Variants in ATXN1 observed in about 807,000 individuals in gnomAD.
ATXN1 encodes the protein ataxin-1.
Under a neutral mutation model 56.4 loss-of-function variants are expected in ATXN1, and 8 were observed. That is an observed-to-expected ratio of 0.14 (90% CI 0.08 to 0.26). The LOEUF is 0.26. ATXN1 is among the 10% of genes least tolerant of loss of function. ATXN1 has a pLI of 1.00. For synonymous variants in ATXN1, 514 were observed against 494.6 expected (o/e 1.04, Z -0.52); for missense variants, 987 against 1,106.5 (o/e 0.89, Z 1.53).
chr6:16,586,547 G>A (rs1008577527), intron 3 of ATXN1, among the ~76,000 whole-genome samples: 3 of 152,176 alleles, frequency 2.0e-5, no homozygotes, highest in African/African-American at 4.8e-5. Context: ...CAGTCTGTGA[G>A]GTGGCCAGGA....
chr6:16,536,704 A>G (rs1390705465), intron 4 of ATXN1, among the ~76,000 whole-genome samples: 1 of 152,210 alleles, frequency 6.6e-6, no homozygotes, highest in Non-Finnish European at 1.5e-5. Context: ...CCAATGTGCT[A>G]TTGCAATGTG....
chr6:16,673,978 T>C (rs527633479), intron 2 of ATXN1, among the ~76,000 whole-genome samples: 7 of 152,312 alleles, frequency 4.6e-5, no homozygotes, highest in Non-Finnish European at 8.8e-5. Context: ...GTTGACAGCA[T>C]GTGGCAGTTA....
chr6:16,760,375 G>T lies in ATXN1; in HGVS notation c.-730+923C>A, dbSNP rs541446731. Among the ~76,000 whole-genome samples the T allele has an allele frequency of 4.6e-5, 7 of 151,770 alleles. No individual in the cohort carries two copies. The highest frequency in any genetic ancestry group is 3.3e-4 in the Admixed American group (5 of 15,254). On this transcript the variant is annotated intron_variant, in intron 1 of 7. Coordinates refer to ENST00000436367, the MANE Select transcript of ATXN1 (RefSeq NM_001128164.2). The surrounding 1 kb of genome is among the most constrained non-coding windows in gnomAD (Gnocchi z 5.3). The stretch of plus-strand genomic sequence containing the variant: ...TCCTGCCGCGGGTGCTGGCGGGGGC[G>T]CCGGCCCGGACTGGGGCGCTCGCGG...
chr6:16,718,305 A>G (rs762142267), intron 2 of ATXN1, among the ~76,000 whole-genome samples: 6 of 152,246 alleles, frequency 3.9e-5, no homozygotes, highest in Admixed American at 2.0e-4. Context: ...AGCATTCCAG[A>G]AAGAAGGTCA....
intron 4 of ATXN1, among the ~76,000 whole-genome samples, chr6:16,531,688 C>T (rs1460302637): frequency 8.6e-5 from 13 of 151,732 alleles, no homozygotes; most frequent in Admixed American, 8.5e-4. Context: ...GGTAACAGCC[C>T]CAGTGGTGCT....
chr6:16,451,192 G>A (rs777879922), intron 6 of ATXN1, among the ~76,000 whole-genome samples: 2 of 152,200 alleles, frequency 1.3e-5, no homozygotes, highest in Non-Finnish European at 1.5e-5. Context: ...AACTGGTTGG[G>A]CACAGTTGCT....
intron 4 of ATXN1, among the ~76,000 whole-genome samples, chr6:16,576,816 A>T (rs1369284863): frequency 6.6e-6 from 1 of 152,198 alleles, no homozygotes; most frequent in Non-Finnish European, 1.5e-5. Context: ...GCATTTATAA[A>T]TACAGCTGGC....
chr6:16,387,612 C>T (rs958723225), intron 6 of ATXN1, among the ~76,000 whole-genome samples: 5 of 152,160 alleles, frequency 3.3e-5, no homozygotes, highest in African/African-American at 7.2e-5. Flanking sequence ...ACCGGGAGTG[C>T]TTGTTGTGTT....
intron 2 of ATXN1, among the ~76,000 whole-genome samples, chr6:16,748,498 T>A (rs906966782): frequency 6.6e-6 from 1 of 152,158 alleles, no homozygotes; most frequent in Non-Finnish European, 1.5e-5. Flanking sequence ...CTTGGGGAAA[T>A]TATTCACCCT....
At chr6:16,554,122 C>A (rs1001918728) in intron 4 of ATXN1, among the ~76,000 whole-genome samples, 8 of 152,182 alleles carry the variant, frequency 5.3e-5, no homozygotes, top group Non-Finnish European at 1.2e-4. Context: ...TATGCCACAA[C>A]ACACAATCGT....
intron 6 of ATXN1, among the ~76,000 whole-genome samples, chr6:16,389,371 G>T (rs1249599367): frequency 6.7e-6 from 1 of 149,684 alleles, no homozygotes; most frequent in East Asian, 1.9e-4. Context: ...GAAAGAAAAA[G>T]ATGATAGCAT....
chr6:16,751,207 G>A (rs951212567), intron 2 of ATXN1, among the ~76,000 whole-genome samples: 3 of 152,002 alleles, frequency 2.0e-5, no homozygotes, highest in Admixed American at 1.3e-4. Context: ...GACCTCAAGT[G>A]ATTCACCCAC....
chr6:16,549,404 C>A (rs939754258), intron 4 of ATXN1, among the ~76,000 whole-genome samples: 47 of 152,110 alleles, frequency 3.1e-4, no homozygotes, highest in African/African-American at 9.2e-4. Context: ...GATAAAAATT[C>A]TTCAGCTTCA....
intron 6 of ATXN1, among the ~76,000 whole-genome samples, chr6:16,469,656 T>C (rs1391228577): frequency 6.6e-6 from 1 of 152,170 alleles, no homozygotes; most frequent in Non-Finnish European, 1.5e-5. Context: ...TTGTATCTAA[T>C]AAAGACGTGA....
At chr6:16,594,594 T>C (rs1398952977) in intron 3 of ATXN1, among the ~76,000 whole-genome samples, 1 of 152,006 alleles carries the variant, frequency 6.6e-6, no homozygotes, top group African/African-American at 2.4e-5. Flanking sequence ...GTGATTCTCC[T>C]GCCTCAGCCT....
At chr6:16,590,719 G>C (rs1762707132) in intron 3 of ATXN1, among the ~76,000 whole-genome samples, 2 of 151,698 alleles carry the variant, frequency 1.3e-5, no homozygotes, top group South Asian at 4.2e-4. Flanking sequence ...TCCCAGGTTG[G>C]AGTGCAGTGG....
intron 4 of ATXN1, among the ~76,000 whole-genome samples, chr6:16,539,894 A>G (rs1051373272): frequency 1.3e-5 from 2 of 152,208 alleles, no homozygotes; most frequent in East Asian, 3.9e-4. Context: ...CCGAAGGCAG[A>G]AAGATCCTCT....
At chr6:16,406,113 CCT>C (rs1758680846) in intron 6 of ATXN1, among the ~76,000 whole-genome samples, 1 of 152,144 alleles carries the variant, frequency 6.6e-6, no homozygotes, top group South Asian at 2.1e-4. Context: ...TTAAAACAAC[CCT>C]CTCTCTTCAC....
chr6:16,570,505 G>T (rs1031331289), intron 4 of ATXN1, among the ~76,000 whole-genome samples: 7 of 152,162 alleles, frequency 4.6e-5, no homozygotes, highest in South Asian at 2.1e-4. Context: ...CGTAGATTAG[G>T]GTCACAGAAA....
Sources: gnomAD v4.1 joint callset for allele counts (sites outside exome capture counted in the v4.1 genomes callset) on GRCh38, gnomAD v4.1.1 for gene constraint, Gnocchi (gnomAD v3.1) non-coding constraint, MANE v1.5 for transcripts, NCBI Gene and HGNC (gene_info 2026-07-23, HGNC 2026-07-21) for gene names.